ARHGAP24: variants seen among roughly 807,000 people sequenced by gnomAD.
ARHGAP24 encodes Rho GTPase activating protein 24.
ARHGAP24 carries 50 observed loss-of-function variants against 76.4 expected under a neutral mutation model. That is an observed-to-expected ratio of 0.65 (90% CI 0.52 to 0.83). ARHGAP24 has a LOEUF of 0.83. Ranked by LOEUF, ARHGAP24 falls within the 40% of genes least tolerant of loss-of-function variation. The pLI is 0.00. For synonymous variants in ARHGAP24, 345 were observed against 323.3 expected (o/e 1.07, Z -0.72); for missense variants, 930 against 914.2 (o/e 1.02, Z -0.22).
At chr4:85,569,751 T>G (rs557690977) in intron 1 of ARHGAP24, among the ~76,000 whole-genome samples, 1 of 152,274 alleles carries the variant, frequency 6.6e-6, no homozygotes, top group African/African-American at 2.4e-5. Context: ...GCCAAAGAAA[T>G]TGTTGAGGGA....
At chr4:85,564,884 G>A (rs1283359573) in intron 1 of ARHGAP24, among the ~76,000 whole-genome samples, 4 of 143,684 alleles carry the variant, frequency 2.8e-5, no homozygotes, top group South Asian at 2.2e-4. Context: ...GTCTGTGGCC[G>A]AGGGGGTTGG....
chr4:85,808,261 C>T (rs1056900457), intron 3 of ARHGAP24, among the ~76,000 whole-genome samples: 1 of 152,170 alleles, frequency 6.6e-6, no homozygotes, highest in African/African-American at 2.4e-5. Context: ...CATTTTCAGA[C>T]CTTGGCATTC....
At chr4:85,631,555 T>C (rs1195980960) in intron 2 of ARHGAP24, among the ~76,000 whole-genome samples, 1 of 152,164 alleles carries the variant, frequency 6.6e-6, no homozygotes, top group Non-Finnish European at 1.5e-5. Context: ...TTTCAGAATG[T>C]ATAAGACTTA....
intron 3 of ARHGAP24, among the ~76,000 whole-genome samples, chr4:85,913,329 G>C (rs1348474676): frequency 6.6e-6 from 1 of 150,956 alleles, no homozygotes; most frequent in Non-Finnish European, 1.5e-5. Flanking sequence ...CCCTAATCCA[G>C]TTACCTACAT....
intron 1 of ARHGAP24, among the ~76,000 whole-genome samples, chr4:85,513,199 A>G (rs1340458253): frequency 3.3e-5 from 5 of 152,222 alleles, no homozygotes; most frequent in Admixed American, 2.6e-4. Context: ...ATTCCAAAAG[A>G]GAGTTGGGAA....
chr4:85,756,489 G>T (rs1223843459), intron 3 of ARHGAP24, among the ~76,000 whole-genome samples: 2 of 152,124 alleles, frequency 1.3e-5, no homozygotes, highest in Non-Finnish European at 2.9e-5. Context: ...TCAGAATCTA[G>T]TTCTTCATTT....
At chr4:85,779,676 T>C (rs1265403744) in intron 3 of ARHGAP24, among the ~76,000 whole-genome samples, 1 of 152,050 alleles carries the variant, frequency 6.6e-6, no homozygotes, top group Non-Finnish European at 1.5e-5. Flanking sequence ...CTAAGAAGAG[T>C]GAAATTTTCA....
chr4:85,729,376 A>T (rs887053670), intron 3 of ARHGAP24, among the ~76,000 whole-genome samples: 1 of 152,242 alleles, frequency 6.6e-6, no homozygotes, highest in Admixed American at 6.5e-5. Flanking sequence ...TCCTACTTAA[A>T]ATACATTAAA....
chr4:85,785,864 A>G lies in ARHGAP24; in HGVS notation c.268+63892A>G, dbSNP rs558084213. Among the ~76,000 whole-genome samples, 13 of 152,294 alleles carry G rather than the reference A, an allele frequency of 8.5e-5. No individual in the cohort carries two copies. In the East Asian group the frequency reaches 2.1e-3, roughly 25 times the overall value. ...CTAGAGTCATAAATTAATTTTCCAG[A>G]GTGACACCTCCTTGTCACTTTGGGA... On this transcript the variant is annotated intron_variant, in intron 3 of 9. Coordinates refer to ENST00000395184, the MANE Select transcript of ARHGAP24 (RefSeq NM_001025616.3).
At chr4:85,731,027 C>CAGAG (rs371450623) in intron 3 of ARHGAP24, among the ~76,000 whole-genome samples, 131 of 80,614 alleles carry the variant, frequency 1.6e-3, no homozygotes, top group African/African-American at 5.4e-3. Context: ...CACACACACA[C>CAGAG]AGAGAGAGAG....
chr4:85,872,765 C>A (rs962581820), intron 3 of ARHGAP24, among the ~76,000 whole-genome samples: 2 of 150,688 alleles, frequency 1.3e-5, no homozygotes, highest in African/African-American at 2.5e-5. Flanking sequence ...GCCCGGCTAA[C>A]TTTTGTATTT....
At chr4:85,596,102 T>A (rs1435238422) in intron 2 of ARHGAP24, among the ~76,000 whole-genome samples, 1 of 151,804 alleles carries the variant, frequency 6.6e-6, no homozygotes, top group Non-Finnish European at 1.5e-5. Flanking sequence ...TCTAGTATTG[T>A]TACTGGTAAC....
At chr4:85,844,084 CATAA>C (rs1172515151) in intron 3 of ARHGAP24, among the ~76,000 whole-genome samples, 1 of 152,068 alleles carries the variant, frequency 6.6e-6, no homozygotes, top group African/African-American at 2.4e-5. Context: ...AATGAGATAA[CATAA>C]ATAAAAGGTA....
chr4:85,926,796 G>C (rs981207313), intron 4 of ARHGAP24, among the ~76,000 whole-genome samples: 11 of 152,058 alleles, frequency 7.2e-5, no homozygotes, highest in Admixed American at 7.2e-4. Context: ...AAGACCCAAG[G>C]AGGATGAAAA....
chr4:85,657,707 G>C (rs975581628), intron 2 of ARHGAP24, among the ~76,000 whole-genome samples: 2 of 152,192 alleles, frequency 1.3e-5, no homozygotes, highest in African/African-American at 4.8e-5. Context: ...ACATTGCCGG[G>C]GTAGATGATA....
intron 3 of ARHGAP24, among the ~76,000 whole-genome samples, chr4:85,757,710 A>G (rs1333483569): frequency 6.6e-6 from 1 of 152,182 alleles, no homozygotes; most frequent in Non-Finnish European, 1.5e-5. Flanking sequence ...AGCATGATTT[A>G]TAGTCCTTTG....
At chr4:85,868,468 T>C (rs1001831620) in intron 3 of ARHGAP24, among the ~76,000 whole-genome samples, 13 of 152,196 alleles carry the variant, frequency 8.5e-5, no homozygotes, top group Non-Finnish European at 1.8e-4. Context: ...GAGACAGCTT[T>C]GCAGGGCCGT....
chr4:85,758,773 A>G (rs1282184017), intron 3 of ARHGAP24, among the ~76,000 whole-genome samples: 1 of 152,190 alleles, frequency 6.6e-6, no homozygotes, highest in Admixed American at 6.5e-5. Context: ...TTCATGCACC[A>G]CACAGTGAGC....
chr4:85,584,993 G>A (rs776700460), intron 2 of ARHGAP24, among the ~76,000 whole-genome samples: 51 of 152,134 alleles, frequency 3.4e-4, no homozygotes, highest in African/African-American at 1.2e-3. Context: ...CAAAGAGTGT[G>A]TATGCAAGAT....
Sources: gnomAD v4.1 joint callset for allele counts (sites outside exome capture counted in the v4.1 genomes callset) on GRCh38, gnomAD v4.1.1 for gene constraint, MANE v1.5 for transcripts, NCBI Gene and HGNC (gene_info 2026-07-23, HGNC 2026-07-21) for gene names.